The following PLEKHM3 variants were observed in gnomAD, a reference collection of about 807,000 sequenced individuals.
PLEKHM3 encodes the protein pleckstrin homology domain containing M3, also known as pleckstrin homology domain-containing family M member 3.
Under a neutral mutation model 81.8 loss-of-function variants are expected in PLEKHM3, and 45 were observed. The observed-to-expected ratio is 0.55, with a 90% CI of 0.43 to 0.71. PLEKHM3 has a LOEUF of 0.71. PLEKHM3 is among the 30% of genes least tolerant of loss of function. The probability of loss-of-function intolerance (pLI) is 0.00; values close to 1 mark genes in which losing one functional copy is unlikely to be tolerated. For synonymous variants in PLEKHM3, 352 were observed against 356.4 expected (o/e 0.99, Z 0.14); for missense variants, 788 against 924.3 (o/e 0.85, Z 1.91).
At chr2:207,862,013 G>A (rs1007316599) in intron 6 of PLEKHM3, among the ~76,000 whole-genome samples, 1 of 152,142 alleles carries the variant, frequency 6.6e-6, no homozygotes, top group Non-Finnish European at 1.5e-5. Flanking sequence ...CCTGACAGCT[G>A]TTCCCATCAG....
chr2:207,942,374 T>C (rs1314948825), intron 4 of PLEKHM3, among the ~76,000 whole-genome samples: 2 of 152,074 alleles, frequency 1.3e-5, no homozygotes, highest in African/African-American at 4.8e-5. Flanking sequence ...TAGTCGGATG[T>C]AGTGATGTGC....
chr2:207,825,648 G>A lies in PLEKHM3; in HGVS notation c.*2671C>T, dbSNP rs1406813293. The A allele has an allele frequency of 6.6e-6, 1 of 152,200 alleles. No individual in the cohort carries two copies. The highest frequency in any genetic ancestry group is 6.5e-5 in the Admixed American group (1 of 15,278). 9.4% of individuals were successfully genotyped at this position (152,200 alleles called of 1,614,324 possible). On this transcript the variant is annotated 3_prime_UTR_variant, in exon 8 of 8. Transcript: ENST00000427836. ...TTTTCATGGCAGACCCAACTCCTAA[G>A]CTGGCTCCACTCTGTCCTATCAGAT...
chr2:207,992,110 T>C (rs1240525448), intron 2 of PLEKHM3, among the ~76,000 whole-genome samples: 1 of 152,140 alleles, frequency 6.6e-6, no homozygotes, highest in East Asian at 1.9e-4. Flanking sequence ...CCTCCAGACT[T>C]TAAATCTAGA....
At position 207,856,778 on chromosome 2, in the gene PLEKHM3, G is replaced by A. The variant is rs182849443; in HGVS notation, c.2108+4327C>T. ...AAAGCTGCCATAAACATCCATATGC[G>A]TGCTTTTGTGTGGATATGTTATCAA... On this transcript the variant is annotated intron_variant, in intron 7 of 7. Coordinates refer to ENST00000427836, the MANE Select transcript of PLEKHM3 (RefSeq NM_001080475.3). Among the ~76,000 whole-genome samples, 533 of 152,202 alleles carry A rather than the reference G, an allele frequency of 3.5e-3. 8 individuals carry two copies. Among genetic ancestry groups the A allele is most frequent in the Admixed American group, 0.017 (267 of 15,294 alleles).
At chr2:207,911,019 A>G (rs1022741422) in intron 5 of PLEKHM3, among the ~76,000 whole-genome samples, 1 of 152,112 alleles carries the variant, frequency 6.6e-6, no homozygotes, top group Admixed American at 6.5e-5. Context: ...GGAGGGAATA[A>G]AAAATTGAGC....
At chr2:208,018,984 C>CA (rs756560377) in intron 1 of PLEKHM3, among the ~76,000 whole-genome samples, 227 of 136,806 alleles carry the variant, frequency 1.7e-3, no homozygotes, top group African/African-American at 3.6e-3. Context: ...CTGCATCTCA[C>CA]AAAAAAAAAA....
chr2:207,842,736 G>A (rs898534844), intron 7 of PLEKHM3, among the ~76,000 whole-genome samples: 4 of 152,150 alleles, frequency 2.6e-5, no homozygotes, highest in African/African-American at 9.7e-5. Context: ...GAATAGTTCT[G>A]CTGCGTACAC....
At chr2:208,002,950 T>C (rs183857629) in intron 1 of PLEKHM3, among the ~76,000 whole-genome samples, 58 of 152,014 alleles carry the variant, frequency 3.8e-4, no homozygotes, top group Non-Finnish European at 7.9e-4. Context: ...AAGGGCTTTT[T>C]TAATCCTTAA....
intron 1 of PLEKHM3, among the ~76,000 whole-genome samples, chr2:208,016,267 G>A (rs1435262485): frequency 3.3e-5 from 5 of 152,036 alleles, no homozygotes; most frequent in African/African-American, 7.2e-5. Flanking sequence ...TTGGGGGGAC[G>A]GGCAAATATC....
Position 207,861,045 on chromosome 2 carries a change from C to T in PLEKHM3, c.2108+60G>A, listed in dbSNP as rs2092464490. On this transcript the variant is annotated intron_variant, in intron 7 of 7. Transcript: ENST00000427836. ...TTGACTAAAAGTTGGCCTGATTTGG[C>T]CAAAGAAAATGGCATATTACACATT... 2.5e-6 allele frequency: 4 copies of T among 1,571,756 alleles called. No individual in the cohort carries two copies. In the Admixed American group the frequency reaches 5.4e-5, roughly 21 times the overall value.
At chr2:207,848,470 C>T (rs967009474) in intron 7 of PLEKHM3, among the ~76,000 whole-genome samples, 13 of 152,168 alleles carry the variant, frequency 8.5e-5, no homozygotes, top group East Asian at 5.8e-4. Flanking sequence ...AATCTAAGGG[C>T]AACAGGGCAA....
chr2:207,892,884 C>T (rs192664551), intron 6 of PLEKHM3, among the ~76,000 whole-genome samples: 145 of 152,322 alleles, frequency 9.5e-4, no homozygotes, highest in Non-Finnish European at 1.2e-3. Context: ...ATTCTAAGCT[C>T]AGGCGATGTG....
chr2:207,839,776 A>C (rs1197149998), intron 7 of PLEKHM3, among the ~76,000 whole-genome samples: 1 of 152,064 alleles, frequency 6.6e-6, no homozygotes, highest in African/African-American at 2.4e-5. Flanking sequence ...AACAGAAAAA[A>C]ATTAGCTGGG....
intron 6 of PLEKHM3, among the ~76,000 whole-genome samples, chr2:207,898,365 C>T (rs1212494410): frequency 2.6e-5 from 4 of 152,170 alleles, no homozygotes; most frequent in Non-Finnish European, 1.5e-5. Context: ...CCTGTCTCCC[C>T]TTGGGCCTGC....
Position 207,838,023 on chromosome 2 carries a change from C to A in PLEKHM3, c.2109-9527G>T, listed in dbSNP as rs561576123. ...CCAACATCAGGTGATCCGCCCGCCT[C>A]GGCCTCCCAAAGTGCTGGGATTACA... is the stretch of plus-strand genomic sequence containing the variant. On this transcript the variant is annotated intron_variant, in intron 7 of 7. Transcript: ENST00000427836. 4.6e-5 allele frequency among the ~76,000 whole-genome samples: 7 copies of A among 152,010 alleles called. No homozygotes were observed. In the South Asian group the frequency reaches 1.5e-3, roughly 32 times the overall value.
intron 5 of PLEKHM3, among the ~76,000 whole-genome samples, chr2:207,910,966 G>A (rs2105905080): frequency 6.6e-6 from 1 of 152,354 alleles, no homozygotes; most frequent in East Asian, 1.9e-4. Flanking sequence ...GCCTGGGGAT[G>A]AGAATGGTGA....
chr2:207,945,507 CAG>C (rs1053098702), intron 4 of PLEKHM3, among the ~76,000 whole-genome samples: 42 of 152,214 alleles, frequency 2.8e-4, no homozygotes, highest in African/African-American at 9.7e-4. Flanking sequence ...GGCCCCTAGT[CAG>C]AAGTCTTCAC....
chr2:208,000,015 C>A (rs1387770086), intron 2 of PLEKHM3, among the ~76,000 whole-genome samples: 1 of 152,106 alleles, frequency 6.6e-6, no homozygotes, highest in Non-Finnish European at 1.5e-5. Context: ...AAATTGATAG[C>A]CTGTATAAAT....
chr2:207,897,490 C>T (rs758365008), intron 6 of PLEKHM3, among the ~76,000 whole-genome samples: 18 of 152,188 alleles, frequency 1.2e-4, no homozygotes, highest in South Asian at 2.1e-4. Flanking sequence ...CAACAACCTT[C>T]GGGGGCAGGT....
Sources: allele counts gnomAD v4.1 joint callset (sites outside exome capture counted in the v4.1 genomes callset), GRCh38; gene constraint gnomAD v4.1.1; transcripts MANE v1.5; gene names NCBI Gene and HGNC (gene_info 2026-07-23, HGNC 2026-07-21).